Variants in TIMP2 observed in about 807,000 individuals in gnomAD.
TIMP2 encodes the protein TIMP metallopeptidase inhibitor 2, also known as metalloproteinase inhibitor 2.
TIMP2 carries 5 observed loss-of-function variants against 24.3 expected under a neutral mutation model. The ratio of observed to expected loss-of-function variants is 0.21; its 90% CI spans 0.11 to 0.43. TIMP2 has a LOEUF of 0.43. TIMP2 is among the 20% of genes least tolerant of loss of function. The pLI is 1.00. For synonymous variants in TIMP2, 130 were observed against 123.2 expected, an observed-to-expected ratio of 1.06 and a Z score of -0.37; for missense variants, 221 against 297.5, an observed-to-expected ratio of 0.74 and a Z score of 1.89.
rs1042024134 is a variant in TIMP2, at chr17:78,855,321, C to T, written c.*346G>A. The T allele has an allele frequency of 6.8e-5, 25 of 366,796 alleles. No homozygotes were observed. In the Admixed American group the frequency reaches 8.7e-4, roughly 13 times the overall value. 22.7% of individuals were successfully genotyped at this position (366,796 alleles called of 1,614,324 possible). A position where few individuals can be genotyped will look rare whatever the true frequency, so the allele number is the denominator to read the frequency against. ...GCACATTTCCAGGCCCTGCCCTAAC[C>T]CAGCTGGGAGATCCCTAAGTGCTGC... On this transcript the variant is annotated 3_prime_UTR_variant, in exon 5 of 5. Coordinates refer to ENST00000262768, the MANE Select transcript of TIMP2 (RefSeq NM_003255.5). This position sits in a 1 kb window ranked among gnomAD's most constrained non-coding sequence, Gnocchi z 6.0.
At chr17:78,916,209 G>A (rs757427079) in intron 1 of TIMP2, among the ~76,000 whole-genome samples, 3 of 152,120 alleles carry the variant, frequency 2.0e-5, no homozygotes, top group Non-Finnish European at 2.9e-5. Flanking sequence ...GTGTGGAAGT[G>A]GGGGCAGAGA....
chr17:78,881,507 C>T (rs1260659922), intron 1 of TIMP2, among the ~76,000 whole-genome samples: 1 of 152,226 alleles, frequency 6.6e-6, no homozygotes, highest in African/African-American at 2.4e-5. Context: ...TGCATGCATC[C>T]CAGGGGCCAG....
chr17:78,921,882 C>G (rs2070310865), intron 1 of TIMP2, among the ~76,000 whole-genome samples: 1 of 152,202 alleles, frequency 6.6e-6, no homozygotes, highest in Non-Finnish European at 1.5e-5. Flanking sequence ...CTCAGCCGGG[C>G]AGACAGAAAT....
At chr17:78,863,635 A>G (rs563712627) in intron 3 of TIMP2, among the ~76,000 whole-genome samples, 1 of 152,300 alleles carries the variant, frequency 6.6e-6, no homozygotes, top group Non-Finnish European at 1.5e-5. Context: ...ATGCCCTTTC[A>G]GCAGAGCCTT....
intron 1 of TIMP2, chr17:78,904,348 G>A (rs2070137894): frequency 6.6e-6 from 1 of 152,068 alleles, no homozygotes; most frequent in Non-Finnish European, 1.5e-5. Flanking sequence ...CATGATTTGG[G>A]TCCGAAGAAG....
intron 3 of TIMP2, among the ~76,000 whole-genome samples, chr17:78,862,158 G>A (rs2069572260): frequency 6.6e-6 from 1 of 152,228 alleles, no homozygotes; most frequent in South Asian, 2.1e-4. Flanking sequence ...GTCTCCTGGT[G>A]CCCGACTCGA....
At chr17:78,895,747 C>T (rs1049137991) in intron 1 of TIMP2, among the ~76,000 whole-genome samples, 1 of 152,176 alleles carries the variant, frequency 6.6e-6, no homozygotes, top group Non-Finnish European at 1.5e-5. Context: ...CCACCAGGAA[C>T]GGCCACAGGG....
In TIMP2 at chr17:78,867,521, A is replaced by G. The variant is rs141256749; in HGVS notation, c.340+3377T>C. ...ACCTCCTCCCCATCCATAGGCAAGG[A>G]CACCACCTTCTTCCAGCAGCAAGTC... On this transcript the variant is annotated intron_variant, in intron 3 of 4. Coordinates refer to ENST00000262768, the MANE Select transcript of TIMP2 (RefSeq NM_003255.5). Among the ~76,000 whole-genome samples, 162 of 151,408 alleles carry G rather than the reference A, an allele frequency of 1.1e-3. 1 individual carries two copies. Among genetic ancestry groups the G allele is most frequent in the African/African-American group, 3.5e-3 (146 of 41,292 alleles).
At position 78,883,688 on chromosome 17, in the gene TIMP2, A is replaced by G. The variant is rs565811386; in HGVS notation, c.131-9769T>C. Among the ~76,000 whole-genome samples the G allele has an allele frequency of 2.0e-5, 3 of 152,186 alleles. No homozygotes were observed. The East Asian group carries it at 5.8e-4, about 29-fold the overall frequency. On this transcript the variant is annotated intron_variant, in intron 1 of 4. Coordinates refer to ENST00000262768, the MANE Select transcript of TIMP2 (RefSeq NM_003255.5). ...TGCTGGCCACTGGGTGCCCGTCTCC[A>G]TGGAGACCAGCTCTCCCATCTCACT... is the stretch of plus-strand genomic sequence containing the variant.
chr17:78,888,911 T>C (rs2069852098), intron 1 of TIMP2, among the ~76,000 whole-genome samples: 1 of 152,222 alleles, frequency 6.6e-6, no homozygotes, highest in South Asian at 2.1e-4. Flanking sequence ...TAATGTGTCA[T>C]GAACAAAGAT....
chr17:78,918,056 G>GCACAAACACACACA (rs1568009272), intron 1 of TIMP2, among the ~76,000 whole-genome samples: 1 of 53,214 alleles, frequency 1.9e-5, no homozygotes, highest in African/African-American at 8.2e-5. Context: ...ACGTACGCGT[G>GCACAAACACACACA]CACACACAAA....
intron 1 of TIMP2, among the ~76,000 whole-genome samples, chr17:78,923,314 G>A (rs970039704): frequency 6.8e-6 from 1 of 147,876 alleles, no homozygotes; most frequent in African/African-American, 2.5e-5. Flanking sequence ...CTCAGTGGCC[G>A]CCTTAACTTA....
At chr17:78,909,336 C>G (rs1215694621) in intron 1 of TIMP2, among the ~76,000 whole-genome samples, 1 of 151,412 alleles carries the variant, frequency 6.6e-6, no homozygotes, top group East Asian at 1.9e-4. Flanking sequence ...GCCTGGGCGA[C>G]AGAGCAAGAC....
In TIMP2 at chr17:78,896,957, T is replaced by C; in HGVS notation, c.131-23038A>G. On this transcript the variant is annotated intron_variant, in intron 1 of 4. Coordinates refer to ENST00000262768, the MANE Select transcript of TIMP2 (RefSeq NM_003255.5). The surrounding 1 kb of genome is among the most constrained non-coding windows in gnomAD (Gnocchi z 4.4). Reference sequence around the variant, plus strand: ...ATTCTCACCAAAGTCAGGCAACCTCTGGCCTACAGCTTGAGAATGACGTCC... The same window carrying C: ...ATTCTCACCAAAGTCAGGCAACCTCCGGCCTACAGCTTGAGAATGACGTCC... 1 of 985,406 alleles carries C rather than the reference T, an allele frequency of 1.0e-6. No individual in the cohort carries two copies. Among genetic ancestry groups the C allele is most frequent in the South Asian group, 4.7e-5 (1 of 21,290 alleles). 61.0% of individuals were successfully genotyped at this position (985,406 alleles called of 1,614,324 possible). A position where few individuals can be genotyped will look rare whatever the true frequency, so the allele number is the denominator to read the frequency against.
intron 4 of TIMP2, 181 bp from the exon 5 acceptor site, chr17:78,856,045 C>T (rs1468391359): frequency 7.8e-6 from 5 of 637,576 alleles, no homozygotes; most frequent in Non-Finnish European, 1.1e-5. Flanking sequence ...GGGGGTCTAA[C>T]CTGCAGGGAA....
At chr17:78,905,393 G>T (rs906186027) in intron 1 of TIMP2, among the ~76,000 whole-genome samples, 16 of 152,230 alleles carry the variant, frequency 1.1e-4, no homozygotes, top group Non-Finnish European at 2.4e-4. Context: ...GCAGCTGGAT[G>T]GAGCCTATTG....
chr17:78,920,898 C>T lies in TIMP2; in HGVS notation c.130+4061G>A, dbSNP rs1258381344. 2.0e-5 allele frequency among the ~76,000 whole-genome samples: 3 copies of T among 152,122 alleles called. No individual in the cohort carries two copies. Among genetic ancestry groups the T allele is most frequent in the Non-Finnish European group, 2.9e-5 (2 of 68,014 alleles). The stretch of plus-strand genomic sequence containing the variant: ...CCCCCACCACAGGGACAATGTCTTG[C>T]TTCTCCCTTACATCCCCGGGGGCAG... On this transcript the variant is annotated intron_variant, in intron 1 of 4. Coordinates refer to ENST00000262768, the MANE Select transcript of TIMP2 (RefSeq NM_003255.5). This position sits in a 1 kb window ranked among gnomAD's most constrained non-coding sequence, Gnocchi z 4.5.
chr17:78,923,956 TAAG>T (rs1568011030), intron 1 of TIMP2, among the ~76,000 whole-genome samples: 1 of 151,988 alleles, frequency 6.6e-6, no homozygotes, highest in Admixed American at 6.6e-5. Flanking sequence ...GACTCAGACA[TAAG>T]AAGGAAGGAG....
chr17:78,915,810 C>T (rs1029859663), intron 1 of TIMP2, among the ~76,000 whole-genome samples: 6 of 152,278 alleles, frequency 3.9e-5, no homozygotes, highest in Middle Eastern at 3.4e-3. Flanking sequence ...ATGATTCCAC[C>T]GTGCCCGGCC....
Sources: gnomAD v4.1 joint callset for allele counts (sites outside exome capture counted in the v4.1 genomes callset) on GRCh38, gnomAD v4.1.1 for gene constraint, Gnocchi (gnomAD v3.1) non-coding constraint, MANE v1.5 for transcripts, NCBI Gene and HGNC (gene_info 2026-07-23, HGNC 2026-07-21) for gene names.